WDPCP: variants seen among roughly 807,000 people sequenced by gnomAD.
WDPCP encodes WD repeat containing planar cell polarity effector, also known as WD repeat-containing and planar cell polarity effector protein fritz homolog.
In WDPCP, 71 loss-of-function variants were observed where a neutral mutation model predicts 93.1. The observed-to-expected ratio is 0.76, with a 90% CI of 0.63 to 0.93. The LOEUF is 0.93. Ranked by LOEUF, WDPCP falls within the 40% of genes least tolerant of loss-of-function variation. The pLI is 0.00. For synonymous variants in WDPCP, 315 were observed against 315.0 expected (o/e 1.00, Z 0.00); for missense variants, 844 against 887.4 (o/e 0.95, Z 0.62).
chr2:63,594,714 C>T, intron 3 of WDPCP: 1 of 674,956 alleles, frequency 1.5e-6, no homozygotes. Flanking sequence ...GTAATAGGCA[C>T]ATTGCTATAA....
intron 1 of WDPCP, among the ~76,000 whole-genome samples, chr2:63,534,610 C>G (rs1255880296): frequency 6.6e-6 from 1 of 152,062 alleles, no homozygotes; most frequent in Non-Finnish European, 1.5e-5. Context: ...AGACAAAAAC[C>G]ACATGATTAT....
chr2:63,541,264 T>G (rs1704699636), intron 1 of WDPCP, among the ~76,000 whole-genome samples: 1 of 152,166 alleles, frequency 6.6e-6, no homozygotes, highest in South Asian at 2.1e-4. Context: ...TGAGACACCA[T>G]GCCCAGCCTA....
chr2:63,289,381 T>C (rs1684239323), intron 13 of WDPCP, among the ~76,000 whole-genome samples: 1 of 152,130 alleles, frequency 6.6e-6, no homozygotes, highest in Non-Finnish European at 1.5e-5. Flanking sequence ...TGATATATTA[T>C]GTTCTCATTT....
intron 12 of WDPCP, among the ~76,000 whole-genome samples, chr2:63,334,510 A>G (rs1558484054): frequency 6.6e-6 from 1 of 152,180 alleles, no homozygotes; most frequent in Non-Finnish European, 1.5e-5. Context: ...TAAGTAGACA[A>G]GAGACAAATG....
intron 1 of WDPCP, among the ~76,000 whole-genome samples, chr2:63,825,793 C>T (rs1337818640): frequency 6.6e-6 from 1 of 152,064 alleles, no homozygotes; most frequent in African/African-American, 2.4e-5. Flanking sequence ...CTGCTGCTCA[C>T]ATTTCACTGG....
At chr2:63,443,142 T>C (rs1183232299) in intron 6 of WDPCP, 1 of 152,078 alleles carries the variant, frequency 6.6e-6, no homozygotes. Flanking sequence ...ATTTAGTATA[T>C]CATATGAGCC....
chr2:63,181,174 C>T (rs62180322), intron 14 of WDPCP, among the ~76,000 whole-genome samples: 24,058 of 151,894 alleles, frequency 0.16, 2,286 homozygotes, highest in Non-Finnish European at 0.22. Flanking sequence ...TATTTCTTTT[C>T]GCTTTGCAGA....
At chr2:63,226,414 A>T (rs1173427334) in intron 14 of WDPCP, among the ~76,000 whole-genome samples, 1 of 151,912 alleles carries the variant, frequency 6.6e-6, no homozygotes, top group Non-Finnish European at 1.5e-5. Flanking sequence ...AATACTATTT[A>T]TTTAAATCAT....
chr2:63,693,791 A>C (rs978520910), intron 2 of WDPCP, among the ~76,000 whole-genome samples: 5 of 152,200 alleles, frequency 3.3e-5, no homozygotes, highest in African/African-American at 7.2e-5. Context: ...TTAGCTGCTA[A>C]AGTCATTATT....
At chr2:63,217,338 G>T (rs1377101233) in intron 14 of WDPCP, among the ~76,000 whole-genome samples, 1 of 152,208 alleles carries the variant, frequency 6.6e-6, no homozygotes, top group Non-Finnish European at 1.5e-5. Flanking sequence ...AGTTGTGACA[G>T]AAACTGTGTG....
chr2:63,730,406 G>C (rs1258980216), intron 2 of WDPCP, among the ~76,000 whole-genome samples: 1 of 152,120 alleles, frequency 6.6e-6, no homozygotes, highest in Non-Finnish European at 1.5e-5. Flanking sequence ...CAAATGGTCA[G>C]GCCTTTATCA....
chr2:63,563,953 T>C (rs1192708692), intron 1 of WDPCP, among the ~76,000 whole-genome samples: 1 of 152,192 alleles, frequency 6.6e-6, no homozygotes, highest in East Asian at 1.9e-4. Flanking sequence ...GGCAAACTTT[T>C]GAGTATACTA....
intron 6 of WDPCP, among the ~76,000 whole-genome samples, chr2:63,482,473 T>A (rs1199926694): frequency 6.6e-6 from 1 of 152,090 alleles, no homozygotes; most frequent in East Asian, 1.9e-4. Context: ...GTTTACTTAC[T>A]TTATAACTAA....
chr2:63,829,084 A>G (rs368064797), upstream of WDPCP, among the ~76,000 whole-genome samples: 3 of 152,176 alleles, frequency 2.0e-5, no homozygotes, highest in African/African-American at 7.2e-5. Context: ...GAGCAGAAAA[A>G]TAAAACATAA....
At chr2:63,547,791 T>G (rs1343185576) in intron 1 of WDPCP, among the ~76,000 whole-genome samples, 1 of 150,614 alleles carries the variant, frequency 6.6e-6, no homozygotes, top group Non-Finnish European at 1.5e-5. Context: ...AGAATAGACT[T>G]GTGGGTACCA....
At chr2:63,763,715 T>C (rs980893622) in intron 2 of WDPCP, among the ~76,000 whole-genome samples, 2 of 152,170 alleles carry the variant, frequency 1.3e-5, no homozygotes, top group African/African-American at 4.8e-5. Flanking sequence ...CTAAAAAGGA[T>C]ATATTCAGAG....
intron 12 of WDPCP, among the ~76,000 whole-genome samples, chr2:63,318,266 A>G (rs1686814325): frequency 6.6e-6 from 1 of 152,186 alleles, no homozygotes; most frequent in African/African-American, 2.4e-5. Context: ...TCAGAAAACA[A>G]CAGATGCTGG....
At chr2:63,584,222 T>C (rs1708692042) in intron 1 of WDPCP, among the ~76,000 whole-genome samples, 1 of 152,046 alleles carries the variant, frequency 6.6e-6, no homozygotes, top group Admixed American at 6.6e-5. Flanking sequence ...AGATCACTAA[T>C]ATTTTGAAGA....
At chr2:63,540,278 T>G (rs1704608979) in intron 1 of WDPCP, among the ~76,000 whole-genome samples, 1 of 152,170 alleles carries the variant, frequency 6.6e-6, no homozygotes, top group Admixed American at 6.6e-5. Context: ...AAAGTCAGAG[T>G]ATAAACAATT....
Sources: allele counts gnomAD v4.1 joint callset (sites outside exome capture counted in the v4.1 genomes callset), GRCh38; gene constraint gnomAD v4.1.1; transcripts MANE v1.5; gene names NCBI Gene and HGNC (gene_info 2026-07-23, HGNC 2026-07-21).